Variants in DLGAP1 observed in about 807,000 individuals in gnomAD.
The protein encoded by DLGAP1 is DLG associated protein 1.
Under a neutral mutation model 90.8 loss-of-function variants are expected in DLGAP1, and 11 were observed. That is an observed-to-expected ratio of 0.12 (90% CI 0.08 to 0.20). DLGAP1 has a LOEUF of 0.20. Among genes scored for constraint, DLGAP1 ranks in the 10% least tolerant of loss-of-function variants. The probability of loss-of-function intolerance (pLI) is 1.00; values close to 1 mark genes in which losing one functional copy is unlikely to be tolerated. For missense variants in DLGAP1, 1,050 were observed against 1,333.8 expected, an observed-to-expected ratio of 0.79 and a Z score of 3.31; for synonymous variants, 558 against 540.7, an observed-to-expected ratio of 1.03 and a Z score of -0.44.
At chr18:3,850,617 G>T (rs1329242738) in intron 4 of DLGAP1, among the ~76,000 whole-genome samples, 2 of 152,056 alleles carry the variant, frequency 1.3e-5, no homozygotes, top group Non-Finnish European at 2.9e-5. Flanking sequence ...AAACGGTGGT[G>T]GCAAAACACT....
chr18:3,582,294 T>C, intron 7 of DLGAP1, 46 bp from the exon 8 acceptor site: 2 of 1,573,494 alleles, frequency 1.3e-6, no homozygotes, highest in Non-Finnish European at 1.7e-6. Context: ...TGCGTGGGTT[T>C]TAATTTCTGA....
chr18:4,444,157 T>C (rs1324611444), intron 1 of DLGAP1, among the ~76,000 whole-genome samples: 2 of 152,206 alleles, frequency 1.3e-5, no homozygotes, highest in East Asian at 1.9e-4. Flanking sequence ...TAGAGCCCAC[T>C]GTGACCACGA....
At chr18:4,363,817 A>AC (rs1480294368) in intron 1 of DLGAP1, among the ~76,000 whole-genome samples, 26 of 152,122 alleles carry the variant, frequency 1.7e-4, no homozygotes, top group African/African-American at 6.0e-4. Flanking sequence ...GGGACTGTAA[A>AC]CTAGTTCAAC....
At chr18:4,428,554 C>G (rs2083208146) in intron 1 of DLGAP1, among the ~76,000 whole-genome samples, 1 of 152,068 alleles carries the variant, frequency 6.6e-6, no homozygotes, top group Non-Finnish European at 1.5e-5. Flanking sequence ...TGCACTCCAG[C>G]CTGGGGGACA....
chr18:4,107,418 G>A (rs1317180990), intron 2 of DLGAP1, among the ~76,000 whole-genome samples: 1 of 152,142 alleles, frequency 6.6e-6, no homozygotes, highest in South Asian at 2.1e-4. Context: ...CTCTAGCTAC[G>A]TCTGGCTCCC....
intron 3 of DLGAP1, among the ~76,000 whole-genome samples, chr18:3,882,188 G>T (rs1483218621): frequency 6.6e-6 from 1 of 152,112 alleles, no homozygotes; most frequent in Non-Finnish European, 1.5e-5. Flanking sequence ...AGCTTGACTA[G>T]GCTAATTTGA....
chr18:4,394,049 C>G (rs2082391730), intron 1 of DLGAP1, among the ~76,000 whole-genome samples: 1 of 152,102 alleles, frequency 6.6e-6, no homozygotes, highest in African/African-American at 2.4e-5. Flanking sequence ...GATCCCTGCT[C>G]TAGAACAACT....
intron 5 of DLGAP1, among the ~76,000 whole-genome samples, chr18:3,754,046 G>T (rs1017245081): frequency 6.6e-6 from 1 of 152,090 alleles, no homozygotes; most frequent in African/African-American, 2.4e-5. Flanking sequence ...CATCATCTAG[G>T]CTAGAGTGCA....
chr18:4,352,973 C>T (rs539372791), intron 1 of DLGAP1, among the ~76,000 whole-genome samples: 9 of 152,180 alleles, frequency 5.9e-5, no homozygotes, highest in South Asian at 2.1e-4. Flanking sequence ...TCCTCACTCC[C>T]GAAAAGTCTT....
chr18:3,887,871 G>T (rs1258953883), intron 3 of DLGAP1, among the ~76,000 whole-genome samples: 1 of 152,020 alleles, frequency 6.6e-6, no homozygotes, highest in African/African-American at 2.4e-5. Flanking sequence ...CACTTTGGGA[G>T]GCCGAGGTGG....
intron 5 of DLGAP1, among the ~76,000 whole-genome samples, chr18:3,800,133 T>C (rs2066218516): frequency 6.6e-6 from 1 of 152,208 alleles, no homozygotes; most frequent in African/African-American, 2.4e-5. Context: ...TGATTATACT[T>C]TCCTATTTTG....
chr18:3,803,981 T>C (rs1290831900), intron 5 of DLGAP1, among the ~76,000 whole-genome samples: 1 of 82,808 alleles, frequency 1.2e-5, no homozygotes, highest in East Asian at 6.1e-4. Context: ...TATATATATA[T>C]ATATATATAT....
At chr18:3,825,467 A>G (rs768494253) in intron 4 of DLGAP1, among the ~76,000 whole-genome samples, 11 of 152,178 alleles carry the variant, frequency 7.2e-5, no homozygotes, top group Non-Finnish European at 1.3e-4. Flanking sequence ...TCATCTCTAC[A>G]TTCCTTGTAA....
chr18:4,007,654 T>C (rs1445912371), intron 2 of DLGAP1, among the ~76,000 whole-genome samples: 5 of 151,708 alleles, frequency 3.3e-5, no homozygotes, highest in Admixed American at 1.3e-4. Context: ...AGGCTCCATC[T>C]CAAACAAACA....
chr18:3,602,498 G>A (rs570566295), intron 7 of DLGAP1, among the ~76,000 whole-genome samples: 1 of 150,792 alleles, frequency 6.6e-6, no homozygotes, highest in Non-Finnish European at 1.5e-5. Flanking sequence ...GGGAGGCTGA[G>A]GCAGGAGAAT....
intron 7 of DLGAP1, among the ~76,000 whole-genome samples, chr18:3,620,359 C>T (rs1430019774): frequency 6.6e-6 from 1 of 152,004 alleles, no homozygotes; most frequent in Non-Finnish European, 1.5e-5. Flanking sequence ...GACACAGATT[C>T]TCCCCTATGC....
intron 2 of DLGAP1, among the ~76,000 whole-genome samples, chr18:4,107,383 C>A (rs984087112): frequency 6.6e-6 from 1 of 152,154 alleles, no homozygotes; most frequent in Non-Finnish European, 1.5e-5. Flanking sequence ...GAAGCCCGTG[C>A]GATCGATGAA....
intron 4 of DLGAP1, among the ~76,000 whole-genome samples, chr18:3,816,500 G>A (rs2067113660): frequency 6.6e-6 from 1 of 152,134 alleles, no homozygotes; most frequent in East Asian, 1.9e-4. Context: ...TACTATTCAT[G>A]GTCTTGAAAA....
At position 3,775,422 on chromosome 18, in the gene DLGAP1, G is replaced by A. The variant is rs558973210; in HGVS notation, c.1173-32910C>T. On this transcript the variant is annotated intron_variant, in intron 5 of 12. Coordinates refer to ENST00000315677, the MANE Select transcript of DLGAP1 (RefSeq NM_004746.4). The surrounding 1 kb of genome is among the most constrained non-coding windows in gnomAD (Gnocchi z 4.9). ...TCAAGAGATCTGGTTGTTTGAATGC[G>A]TATAGCACTTCCCCCTTCATTCTTT... 3.9e-5 allele frequency among the ~76,000 whole-genome samples: 6 copies of A among 152,230 alleles called. No individual in the cohort carries two copies. The highest frequency in any genetic ancestry group is 1.9e-4 in the East Asian group (1 of 5,162).
Sources: allele counts gnomAD v4.1 joint callset (sites outside exome capture counted in the v4.1 genomes callset), GRCh38; gene constraint gnomAD v4.1.1; non-coding constraint Gnocchi (gnomAD v3.1); transcripts MANE v1.5; gene names NCBI Gene and HGNC (gene_info 2026-07-23, HGNC 2026-07-21).